The following TUBB8B variants were observed in gnomAD, a reference collection of about 807,000 sequenced individuals.
TUBB8B encodes tubulin beta 8B, also known as HSA18p11 beta-tubulin 4Q pseudogene.
In TUBB8B, 26 loss-of-function variants were observed where a neutral mutation model predicts 31.9. That is an observed-to-expected ratio of 0.81 (90% CI 0.60 to 1.13). The LOEUF is 1.13. TUBB8B is among the 50% of genes most tolerant of loss of function. TUBB8B has a pLI of 0.00. For missense variants in TUBB8B, 467 were observed against 586.7 expected (o/e 0.80, Z 2.11); for synonymous variants, 173 against 231.0 (o/e 0.75, Z 2.28).
chr18:73,371 C>G, the TUBB8B span: 1 of 165,838 alleles, frequency 6.0e-6, no homozygotes, highest in South Asian at 2.1e-4. Context: ...GTCCTCACAG[C>G]GGACGCGGCC....
the TUBB8B span, among the ~76,000 whole-genome samples, chr18:64,263 C>T: frequency 6.6e-6 from 1 of 152,174 alleles, no homozygotes; most frequent in Non-Finnish European, 1.5e-5. Flanking sequence ...TGCACTTCCT[C>T]TCACACATAC....
the TUBB8B span, among the ~76,000 whole-genome samples, chr18:62,736 C>A: frequency 2.6e-5 from 4 of 151,752 alleles, no homozygotes; most frequent in African/African-American, 9.7e-5. Flanking sequence ...ATGTTTAGCT[C>A]TTATCTCTTT....
At chr18:71,157 G>A in the TUBB8B span, among the ~76,000 whole-genome samples, 1 of 151,830 alleles carries the variant, frequency 6.6e-6, no homozygotes, top group Non-Finnish European at 1.5e-5. Flanking sequence ...CTGGAGCCCG[G>A]GAGGTTGAGG....
At chr18:66,031 C>T in the TUBB8B span, among the ~76,000 whole-genome samples, 723 of 152,172 alleles carry the variant, frequency 4.8e-3, 8 homozygotes, top group African/African-American at 0.016. Flanking sequence ...GAGTTTCAGG[C>T]CAGTCCGGCC....
chr18:48,749 T>C (rs1265694520), intron 3 of TUBB8B, 191 bp downstream of exon 3: 2 of 704,948 alleles, frequency 2.8e-6, no homozygotes, highest in Admixed American at 4.0e-5. Context: ...CAGTAGCTCC[T>C]CACCTTGAGG....
chr18:63,402 A>T, the TUBB8B span, among the ~76,000 whole-genome samples: 1 of 151,768 alleles, frequency 6.6e-6, no homozygotes, highest in Non-Finnish European at 1.5e-5. Flanking sequence ...TTTATCAAGT[A>T]GAGATTCTAG....
Position 47,677 on chromosome 18 carries a change from T to C in TUBB8B, c.1048A>G (p.Lys350Glu). ...YFADWFPDNV[K>E]TAVCDIPPRG... ...GGTGGGATGTCACAGACGGCTGTTTTTACGTTGTCGGGGAACCAGTCAGCA... is the reference window on the plus strand; with the variant it reads ...GGTGGGATGTCACAGACGGCTGTTTCTACGTTGTCGGGGAACCAGTCAGCA... The change falls in exon 4 of 4, where the codon AAA (lysine) becomes GAA (glutamate). Residue 350 changes from lysine (K) to glutamate (E), a missense_variant. Physicochemically the swap from Lys to Glu is moderately conservative, Grantham distance 56. Coordinates refer to ENST00000308911, the MANE Select transcript of TUBB8B (RefSeq NM_001358689.2). The C allele has an allele frequency of 6.2e-7, 1 of 1,612,394 alleles. No homozygotes were observed. The highest frequency in any genetic ancestry group is 1.1e-5 in the South Asian group (1 of 91,006).
chr18:72,196 A>AAAAGAAAAAAAAAAAAAAAAAAC, the TUBB8B span, among the ~76,000 whole-genome samples: 1 of 84,536 alleles, frequency 1.2e-5, no homozygotes, highest in Non-Finnish European at 2.4e-5. Flanking sequence ...AAAAAAAAAA[A>AAAAGAAAAAAAAAAAAAAAAAAC]AAAGGAAAAA....
chr18:66,881 T>C, the TUBB8B span, among the ~76,000 whole-genome samples: 8 of 152,190 alleles, frequency 5.3e-5, no homozygotes, highest in Admixed American at 3.9e-4. Context: ...TTAAGAATTA[T>C]TAAGTCTTCT....
At position 48,425 on chromosome 18, in the gene TUBB8B, G is replaced by A. The variant is rs185149602; in HGVS notation, c.300C>T (p.Asn100=). Residue 100 remains asparagine (N), a synonymous_variant, in exon 4 of 4, where the codon AAC becomes AAT. Coordinates refer to ENST00000308911, the MANE Select transcript of TUBB8B (RefSeq NM_001358689.2). ...CTTCTGTGTAGCGTCCCTTGGCCCA[G>A]TTGTTTCCGGCCCCACACTGACCTG... ...FISGQCGAGN[N]WAKGRYTEGA... The A allele has an allele frequency of 1.6e-3, 2,524 of 1,609,740 alleles. 9 individuals carry two copies. In the African/African-American group the frequency reaches 0.03, roughly 19 times the overall value.
the TUBB8B span, among the ~76,000 whole-genome samples, chr18:72,057 T>C: frequency 6.6e-6 from 1 of 151,208 alleles, no homozygotes; most frequent in South Asian, 2.1e-4. Flanking sequence ...CAGGCGCCTG[T>C]AATCCCAGCT....
At chr18:62,304 T>C in the TUBB8B span, among the ~76,000 whole-genome samples, 2 of 151,792 alleles carry the variant, frequency 1.3e-5, no homozygotes, top group East Asian at 3.9e-4. Context: ...GTTAAGTGCC[T>C]TGAGGTGGTC....
chr18:67,680 T>C, the TUBB8B span, among the ~76,000 whole-genome samples: 3 of 152,294 alleles, frequency 2.0e-5, no homozygotes. Flanking sequence ...TAAAGCACTA[T>C]GTGTGGGTAT....
the TUBB8B span, among the ~76,000 whole-genome samples, chr18:68,659 G>A: frequency 1.3e-5 from 2 of 152,110 alleles, no homozygotes; most frequent in Admixed American, 6.6e-5. Flanking sequence ...ACTGTAAAAT[G>A]GCAAAATTCT....
the TUBB8B span, among the ~76,000 whole-genome samples, chr18:64,506 T>C: frequency 1.3e-5 from 2 of 151,934 alleles, no homozygotes; most frequent in Non-Finnish European, 2.9e-5. Flanking sequence ...GAGCGATCAC[T>C]TGAGGCCAGA....
chr18:50,989 A>G (rs1158626121), upstream of TUBB8B, among the ~76,000 whole-genome samples: 1 of 151,940 alleles, frequency 6.6e-6, no homozygotes, highest in Admixed American at 6.6e-5. Context: ...CAGCATAAGC[A>G]TGAAGCACTA....
the TUBB8B span, among the ~76,000 whole-genome samples, chr18:72,694 G>GTGGC: frequency 6.6e-6 from 1 of 152,096 alleles, no homozygotes; most frequent in Non-Finnish European, 1.5e-5. Flanking sequence ...ACCAGGCGAC[G>GTGGC]TGGCTCACGC....
chr18:72,195 A>AC, the TUBB8B span, among the ~76,000 whole-genome samples: 5 of 144,324 alleles, frequency 3.5e-5, no homozygotes, highest in Non-Finnish European at 7.5e-5. Context: ...AAAAAAAAAA[A>AC]AAAAGGAAAA....
At chr18:66,651 A>G in the TUBB8B span, among the ~76,000 whole-genome samples, 1 of 152,230 alleles carries the variant, frequency 6.6e-6, no homozygotes, top group Non-Finnish European at 1.5e-5. Flanking sequence ...TACCAGAATC[A>G]TGTTGATTTT....
Sources: allele counts gnomAD v4.1 joint callset (sites outside exome capture counted in the v4.1 genomes callset), GRCh38; gene constraint gnomAD v4.1.1; transcripts MANE v1.5; gene names NCBI Gene and HGNC (gene_info 2026-07-23, HGNC 2026-07-21).